Variants in BIRC6 observed in about 807,000 individuals in gnomAD.
BIRC6 encodes dual E2 ubiquitin-conjugating enzyme/E3 ubiquitin-protein ligase BIRC6.
A neutral mutation model predicts 503.3 loss-of-function variants in BIRC6; 98 were observed. The observed-to-expected ratio is 0.19, with a 90% confidence interval of 0.17 to 0.23. The LOEUF (loss-of-function observed/expected upper bound fraction) is 0.23. BIRC6 is among the 10% of genes least tolerant of loss of function. The pLI is 1.00. For synonymous variants in BIRC6, 2,240 were observed against 2,078.7 expected, an observed-to-expected ratio of 1.08 and a Z score of -2.11; for missense variants, 5,360 against 5,806.0, an observed-to-expected ratio of 0.92 and a Z score of 2.50.
chr2:32,539,694 A>G (rs1018708372), intron 61 of BIRC6, among the ~76,000 whole-genome samples: 3 of 152,184 alleles, frequency 2.0e-5, no homozygotes, highest in Admixed American at 6.5e-5. Flanking sequence ...CTTTAAATGC[A>G]TATAATTAAA....
intron 66 of BIRC6, among the ~76,000 whole-genome samples, chr2:32,593,679 T>C (rs536132664): frequency 6.6e-6 from 1 of 152,318 alleles, no homozygotes; most frequent in East Asian, 1.9e-4. Context: ...GGACATCAGG[T>C]ATCTGGATCT....
intron 15 of BIRC6, among the ~76,000 whole-genome samples, chr2:32,437,139 C>T (rs1164667661): frequency 6.6e-6 from 1 of 152,044 alleles, no homozygotes; most frequent in Non-Finnish European, 1.5e-5. Flanking sequence ...CTCTGCCTGC[C>T]TCGGTCCCCC....
intron 47 of BIRC6, 75 bp downstream of exon 47, chr2:32,501,963 A>G: frequency 7.6e-7 from 1 of 1,322,914 alleles, no homozygotes; most frequent in Admixed American, 2.2e-5. Flanking sequence ...TACAGGACAA[A>G]GATAAATAAG....
rs72867265 is a variant in BIRC6, at chr2:32,445,080, T to A, written c.4337-441T>A. 8.9e-3 allele frequency among the ~76,000 whole-genome samples: 1,356 copies of A among 152,320 alleles called. 16 individuals are homozygous for A. The highest frequency in any genetic ancestry group is 0.031 in the African/African-American group (1,296 of 41,566). On this transcript the variant is annotated intron_variant, in intron 20 of 73. Coordinates refer to ENST00000421745, the MANE Select transcript of BIRC6 (RefSeq NM_016252.4). Reference sequence around the variant, plus strand: ...TTTATTCCCCATTCATTCACTAAAATGGGCTGTTTGAAGCTCACTGCCATC... The same window carrying A: ...TTTATTCCCCATTCATTCACTAAAAAGGGCTGTTTGAAGCTCACTGCCATC...
chr2:32,390,569 G>C (rs1192480224), intron 4 of BIRC6, among the ~76,000 whole-genome samples: 1 of 152,142 alleles, frequency 6.6e-6, no homozygotes, highest in Non-Finnish European at 1.5e-5. Flanking sequence ...ACCCGTCTTG[G>C]CCTCCTAGAG....
intron 40 of BIRC6, among the ~76,000 whole-genome samples, chr2:32,486,919 G>A (rs977080650): frequency 3.3e-5 from 5 of 151,704 alleles, no homozygotes; most frequent in African/African-American, 1.2e-4. Flanking sequence ...GAGATAACTC[G>A]GTACTGCCCA....
chr2:32,530,047 T>A (rs1200502027), intron 60 of BIRC6, among the ~76,000 whole-genome samples: 1 of 152,198 alleles, frequency 6.6e-6, no homozygotes, highest in Non-Finnish European at 1.5e-5. Flanking sequence ...GCATGTACTT[T>A]AATTTCTGAT....
At chr2:32,511,209 T>C (rs1481718769) in intron 53 of BIRC6, among the ~76,000 whole-genome samples, 2 of 142,926 alleles carry the variant, frequency 1.4e-5, no homozygotes, top group South Asian at 2.2e-4. Flanking sequence ...TTCTTTTTTT[T>C]TTTTTTTTTT....
rs560402400 is a variant in BIRC6 at position 32,561,238 on chromosome 2, T to C, written c.13144+11757T>C. 5.3e-4 allele frequency among the ~76,000 whole-genome samples: 81 copies of C among 151,646 alleles called. No individual in the cohort carries two copies. The Middle Eastern group carries it at 0.014, about 25-fold the overall frequency. ...GACCTCCAAGTAACATACTTTTTTT[T>C]TTTTTTCTTTTTTCTTTTTTTGAGA... On this transcript the variant is annotated intron_variant, in intron 65 of 73. Transcript: ENST00000421745.
chr2:32,502,746 T>C (rs771755459), intron 47 of BIRC6, 49 bp from the exon 48 acceptor site: 3 of 1,418,820 alleles, frequency 2.1e-6, no homozygotes, highest in Non-Finnish European at 2.9e-6. Context: ...AGTTTAGTTC[T>C]TATTCACAGG....
rs532670589 is a variant in BIRC6, at chr2:32,550,400, A to G, written c.13144+919A>G. Among the ~76,000 whole-genome samples, 14 of 151,994 alleles carry G rather than the reference A, an allele frequency of 9.2e-5. No homozygotes were observed. The South Asian group carries it at 1.7e-3, about 18-fold the overall frequency. Reference sequence around the variant, plus strand: ...GATTGTTGTCCTTTAAAAATACGCTATTTCCCAGTCTGTCTCAGACTCCTT... The same window carrying G: ...GATTGTTGTCCTTTAAAAATACGCTGTTTCCCAGTCTGTCTCAGACTCCTT... On this transcript the variant is annotated intron_variant, in intron 65 of 73. Transcript: ENST00000421745.
chr2:32,531,171 G>A (rs2056719850), intron 60 of BIRC6, among the ~76,000 whole-genome samples, 184 bp from the exon 61 acceptor site: 1 of 152,106 alleles, frequency 6.6e-6, no homozygotes, highest in South Asian at 2.1e-4. Context: ...AAAGAAGGCA[G>A]TATCAGAAGT....
At chr2:32,397,623 TATATATGTATATATATAC>T (rs1478232361) in intron 6 of BIRC6, among the ~76,000 whole-genome samples, 3 of 145,872 alleles carry the variant, frequency 2.1e-5, no homozygotes, top group Non-Finnish European at 4.5e-5. Context: ...TGTGTATATA[TATATATGTATATATATAC>T]ACACACACAC....
chr2:32,595,677 A>G (rs1249893059), intron 68 of BIRC6, among the ~76,000 whole-genome samples: 2 of 152,186 alleles, frequency 1.3e-5, no homozygotes, highest in African/African-American at 4.8e-5. Context: ...ATTATTAACT[A>G]TTATTGTCTA....
chr2:32,544,925 G>A (rs1053994504), intron 62 of BIRC6, among the ~76,000 whole-genome samples: 2 of 151,418 alleles, frequency 1.3e-5, no homozygotes, highest in Non-Finnish European at 3.0e-5. Context: ...TTGATACATA[G>A]TAGTTGTACA....
chr2:32,382,572 A>G (rs1445970103), intron 3 of BIRC6, among the ~76,000 whole-genome samples: 1 of 152,172 alleles, frequency 6.6e-6, no homozygotes, highest in African/African-American at 2.4e-5. Flanking sequence ...CCTAGCCCCA[A>G]CCTGATAGAG....
chr2:32,442,299 C>G, intron 18 of BIRC6, 25 bp from the exon 19 acceptor site: 2 of 1,612,338 alleles, frequency 1.2e-6, no homozygotes, highest in Non-Finnish European at 1.7e-6. Flanking sequence ...CAGGATGAGT[C>G]TAAATGTCTG....
rs1394220831 is a variant in BIRC6, at chr2:32,478,653, A to G, written c.7087A>G (p.Asn2363Asp). The G allele has an allele frequency of 1.2e-6, 2 of 1,611,168 alleles. No individual in the cohort carries two copies. The highest frequency in any genetic ancestry group is 1.7e-6 in the Non-Finnish European group (2 of 1,179,182). The change falls in exon 36 of 74, where the codon AAT becomes GAT. Residue 2363 changes from asparagine to aspartate, a missense_variant. Physicochemically the swap from Asn to Asp is conservative, Grantham distance 23. This residue lies in a region of BIRC6 where 2,299 missense variants were observed against 2,267.2 expected (regional missense o/e 1.01). Coordinates refer to ENST00000421745, the MANE Select transcript of BIRC6 (RefSeq NM_016252.4). ...FVCKVLARIA[N>D]ATRPTIHLCE... The stretch of plus-strand genomic sequence containing the variant: ...ATTACAGGTTCTTGCACGCATTGCA[A>G]ATGCCACGAGGCCAACTATTCATCT...
At chr2:32,396,902 G>GT (rs1406466528) in intron 6 of BIRC6, among the ~76,000 whole-genome samples, 3 of 151,780 alleles carry the variant, frequency 2.0e-5, no homozygotes, top group Non-Finnish European at 4.4e-5. Flanking sequence ...TGATTTTTGT[G>GT]TTTTTAGTAG....
Sources: gnomAD v4.1 joint callset for allele counts (sites outside exome capture counted in the v4.1 genomes callset) on GRCh38, gnomAD v4.1.1 for gene constraint, gnomAD v4.1.1 regional missense constraint, MANE v1.5 for transcripts, NCBI Gene and HGNC (gene_info 2026-07-23, HGNC 2026-07-21) for gene names.